SV2B: variants seen among roughly 807,000 people sequenced by gnomAD.
The protein encoded by SV2B is synaptic vesicle glycoprotein 2B, also known as solute carrier family 22 member B2.
Under a neutral mutation model 73.9 loss-of-function variants are expected in SV2B, and 41 were observed. The ratio of observed to expected loss-of-function variants is 0.56; its 90% CI spans 0.43 to 0.72. SV2B has a LOEUF of 0.72. SV2B is among the 30% of genes least tolerant of loss of function. The pLI, the probability that SV2B is intolerant of heterozygous loss-of-function variation, is 0.00. For synonymous variants in SV2B, 314 were observed against 314.2 expected (o/e 1.00, Z 0.01); for missense variants, 764 against 857.8 (o/e 0.89, Z 1.37).
intron 1 of SV2B, among the ~76,000 whole-genome samples, chr15:91,216,660 G>A (rs1283125631): frequency 1.3e-5 from 2 of 151,468 alleles, no homozygotes; most frequent in South Asian, 4.2e-4. Context: ...TAGTAGAGAC[G>A]GGGTTTCTCC....
At position 91,115,714 on chromosome 15, in the gene SV2B, C is replaced by T. The variant is rs1222852742; in HGVS notation, c.-392+15351C>T. ...TTCTAAGGGGTTTCTAAGGGGTTCA[C>T]ATTTTTATAACCATCTCCTTGCTTG... is the stretch of plus-strand genomic sequence containing the variant. On this transcript the variant is annotated intron_variant, in intron 1 of 12. Coordinates refer to ENST00000394232, the MANE Select transcript of SV2B (RefSeq NM_001323032.3). This position sits in a 1 kb window ranked among gnomAD's most constrained non-coding sequence, Gnocchi z 4.3. Among the ~76,000 whole-genome samples, 1 of 152,080 alleles carries T rather than the reference C, an allele frequency of 6.6e-6. No individual in the cohort carries two copies. Among genetic ancestry groups the T allele is most frequent in the East Asian group, 1.9e-4 (1 of 5,200 alleles).
At chr15:91,247,994 G>A (rs1227986295) in intron 2 of SV2B, among the ~76,000 whole-genome samples, 2 of 152,002 alleles carry the variant, frequency 1.3e-5, no homozygotes, top group African/African-American at 4.8e-5. Flanking sequence ...TATCATAGTC[G>A]TACATATTTT....
At chr15:91,156,648 A>G (rs758993217) in intron 1 of SV2B, among the ~76,000 whole-genome samples, 1 of 152,210 alleles carries the variant, frequency 6.6e-6, no homozygotes, top group Admixed American at 6.5e-5. Flanking sequence ...TTAAACATAC[A>G]TACAGGGTCA....
At chr15:91,171,657 TCTC>T (rs1229856039) in intron 1 of SV2B, among the ~76,000 whole-genome samples, 4 of 152,168 alleles carry the variant, frequency 2.6e-5, no homozygotes, top group African/African-American at 9.7e-5. Flanking sequence ...GCTCATCATC[TCTC>T]CTCGTGATTA....
At position 91,239,165 on chromosome 15, in the gene SV2B, G is replaced by A. The variant is rs1206269864; in HGVS notation, c.451+12451G>A. 6.6e-6 allele frequency among the ~76,000 whole-genome samples: 1 copy of A among 152,176 alleles called. No homozygotes were observed. Among genetic ancestry groups the A allele is most frequent in the African/African-American group, 2.4e-5 (1 of 41,440 alleles). On this transcript the variant is annotated intron_variant, in intron 2 of 12. Coordinates refer to ENST00000394232, the MANE Select transcript of SV2B (RefSeq NM_001323032.3). The surrounding 1 kb of genome is among the most constrained non-coding windows in gnomAD (Gnocchi z 5.1). ...ATGGGGTCCACTGAACAGGCTGGATGTGAACATCCTCTTCTCCGTGTGGGC... is the reference window on the plus strand; with the variant it reads ...ATGGGGTCCACTGAACAGGCTGGATATGAACATCCTCTTCTCCGTGTGGGC...
intron 1 of SV2B, among the ~76,000 whole-genome samples, chr15:91,127,864 T>C (rs1222924500): frequency 1.3e-5 from 2 of 152,210 alleles, no homozygotes; most frequent in Non-Finnish European, 2.9e-5. Flanking sequence ...TTTGCAAAGC[T>C]ATGCAGATTC....
rs2043004170 is a variant in SV2B, at chr15:91,141,803, T to C, written c.-392+41440T>C. Among the ~76,000 whole-genome samples the C allele has an allele frequency of 6.6e-6, 1 of 152,024 alleles. No homozygotes were observed. Among genetic ancestry groups the C allele is most frequent in the Admixed American group, 6.6e-5 (1 of 15,252 alleles). ...AACATCTTTTTCTGCTAATGGATAT[T>C]ACAGAAAGTTACATTCAGAGAGTTA... On this transcript the variant is annotated intron_variant, in intron 1 of 12. Transcript: ENST00000394232. This position sits in a 1 kb window ranked among gnomAD's most constrained non-coding sequence, Gnocchi z 4.6.
chr15:91,175,822 C>A (rs1045571593), intron 1 of SV2B, among the ~76,000 whole-genome samples: 1 of 151,218 alleles, frequency 6.6e-6, no homozygotes, highest in East Asian at 1.9e-4. Context: ...TTGAAGAGAC[C>A]AGATGCCGTG....
Position 91,198,455 on chromosome 15 carries a change from ATGTGTGTG to A in SV2B, c.-391-27382_-391-27375del, listed in dbSNP as rs5814467. The stretch of plus-strand genomic sequence containing the variant: ...TGGTTTTCAGCCAAGAAGCACGTGT[ATGTGTGTG>A]TGTGTGTGTGTGTGTGTGTGTGTGT... On this transcript the variant is annotated intron_variant, in intron 1 of 12. Coordinates refer to ENST00000394232, the MANE Select transcript of SV2B (RefSeq NM_001323032.3). Among the ~76,000 whole-genome samples the A allele has an allele frequency of 2.3e-3, 310 of 136,840 alleles. 1 individual carries two copies. Among genetic ancestry groups the A allele is most frequent in the African/African-American group, 4.2e-3 (154 of 36,834 alleles). The allele number at this position is 136,840 out of a possible 152,430, so 89.8% of individuals were successfully genotyped here.
At chr15:91,185,113 T>G (rs9646229) in intron 1 of SV2B, among the ~76,000 whole-genome samples, 44,812 of 152,128 alleles carry the variant, frequency 0.29, 7,079 homozygotes, top group African/African-American at 0.34. Flanking sequence ...GTTTTGTTGC[T>G]CAGGCTGGAG....
chr15:91,295,812 A>G lies in SV2B; in HGVS notation c.*3260A>G, dbSNP rs1415139893. The stretch of plus-strand genomic sequence containing the variant: ...AGCAAATCCTTATTGAGCCCTGACC[A>G]TGGGCCAGTCTCTCTGCCAAGCCCT... On this transcript the variant is annotated 3_prime_UTR_variant, in exon 13 of 13. Coordinates refer to ENST00000394232, the MANE Select transcript of SV2B (RefSeq NM_001323032.3). 3 of 152,332 alleles carry G rather than the reference A, an allele frequency of 2.0e-5. No individual in the cohort carries two copies. Among genetic ancestry groups the G allele is most frequent in the East Asian group, 1.9e-4 (1 of 5,188 alleles). The allele number at this position is 152,332 out of a possible 1,614,324, so 9.4% of individuals were successfully genotyped here.
intron 1 of SV2B, among the ~76,000 whole-genome samples, chr15:91,152,365 G>T (rs1411419250): frequency 6.6e-6 from 1 of 152,132 alleles, no homozygotes; most frequent in African/African-American, 2.4e-5. Context: ...TGATATCGCA[G>T]CTGGGATTTC....
chr15:91,119,924 A>G (rs1245885599), intron 1 of SV2B, among the ~76,000 whole-genome samples: 1 of 152,234 alleles, frequency 6.6e-6, no homozygotes, highest in Non-Finnish European at 1.5e-5. Flanking sequence ...TAAATTAAGC[A>G]TTAGTGTTTT....
chr15:91,259,552 A>G (rs11854154), intron 5 of SV2B, among the ~76,000 whole-genome samples: 14,514 of 152,140 alleles, frequency 0.095, 1,489 homozygotes, highest in African/African-American at 0.26. Context: ...CCACAAACCG[A>G]GTGACTTAAA....
chr15:91,258,688 C>T lies in SV2B; in HGVS notation c.918+134C>T. ...TGCAAACTCTCCCCTGGTCGGCTGA[C>T]CTCACTCATCATTGAATCTGGCACC... On this transcript the variant is annotated intron_variant, in intron 5 of 12. Coordinates refer to ENST00000394232, the MANE Select transcript of SV2B (RefSeq NM_001323032.3). This position sits in a 1 kb window ranked among gnomAD's most constrained non-coding sequence, Gnocchi z 4.7. 7.7e-7 allele frequency: 1 copy of T among 1,298,818 alleles called. No homozygotes were observed. Among genetic ancestry groups the T allele is most frequent in the Non-Finnish European group, 1.0e-6 (1 of 961,070 alleles). 80.5% of individuals were successfully genotyped at this position (1,298,818 alleles called of 1,614,324 possible).
At chr15:91,178,549 G>C (rs576407220) in intron 1 of SV2B, among the ~76,000 whole-genome samples, 1 of 152,058 alleles carries the variant, frequency 6.6e-6, no homozygotes, top group Non-Finnish European at 1.5e-5. Context: ...GTAAGCTATT[G>C]ATTATTGCCA....
intron 1 of SV2B, among the ~76,000 whole-genome samples, chr15:91,144,119 G>T (rs1011620857): frequency 6.6e-5 from 10 of 152,278 alleles, no homozygotes; most frequent in African/African-American, 2.4e-4. Context: ...GTACTTGTTG[G>T]TGATGCCACA....
At chr15:91,131,659 A>T (rs2042653453) in intron 1 of SV2B, among the ~76,000 whole-genome samples, 1 of 151,842 alleles carries the variant, frequency 6.6e-6, no homozygotes, top group Non-Finnish European at 1.5e-5. Context: ...TTGAAAAAAA[A>T]AAACAAAAAA....
rs1251085040 is a variant in SV2B at position 91,134,998 on chromosome 15, T to C, written c.-392+34635T>C. 8.7e-5 allele frequency among the ~76,000 whole-genome samples: 4 copies of C among 45,792 alleles called. No individual in the cohort carries two copies. In the Admixed American group the frequency reaches 1.2e-3, roughly 14 times the overall value. 30.0% of individuals were successfully genotyped at this position (45,792 alleles called of 152,430 possible). A position where few individuals can be genotyped will look rare whatever the true frequency, so the allele number is the denominator to read the frequency against. On this transcript the variant is annotated intron_variant, in intron 1 of 12. Transcript: ENST00000394232. ...CTGTATAACAGTATTTCTCAACCTT[T>C]TTTTTTTTTTTTTTATTTTGAGACA...
Sources: gnomAD v4.1 joint callset for allele counts (sites outside exome capture counted in the v4.1 genomes callset) on GRCh38, gnomAD v4.1.1 for gene constraint, Gnocchi (gnomAD v3.1) non-coding constraint, MANE v1.5 for transcripts, NCBI Gene and HGNC (gene_info 2026-07-23, HGNC 2026-07-21) for gene names.